Variants in LRCH1 observed in about 807,000 individuals in gnomAD.
LRCH1 encodes the protein leucine-rich repeat and calponin homology domain-containing protein 1.
Under a neutral mutation model 94.9 loss-of-function variants are expected in LRCH1, and 23 were observed. That is an observed-to-expected ratio of 0.24 (90% confidence interval 0.17 to 0.34). The LOEUF (loss-of-function observed/expected upper bound fraction) is 0.34. Among genes scored for constraint, LRCH1 ranks in the 10% least tolerant of loss-of-function variants. LRCH1 has a pLI of 1.00. For synonymous variants in LRCH1, 364 were observed against 354.9 expected, an observed-to-expected ratio of 1.03 and a Z score of -0.29; for missense variants, 790 against 945.9, an observed-to-expected ratio of 0.84 and a Z score of 2.16.
chr13:46,567,831 C>T (rs1209196917), intron 1 of LRCH1, among the ~76,000 whole-genome samples: 10 of 152,184 alleles, frequency 6.6e-5, no homozygotes. Context: ...GACTTGGTAT[C>T]TCAATATGAA....
At chr13:46,684,176 T>A (rs950789911) in intron 4 of LRCH1, among the ~76,000 whole-genome samples, 1 of 152,194 alleles carries the variant, frequency 6.6e-6, no homozygotes, top group African/African-American at 2.4e-5. Context: ...TTGCCTCTCT[T>A]AGCAGTGGGG....
intron 1 of LRCH1, among the ~76,000 whole-genome samples, chr13:46,638,666 A>C (rs1184811536): frequency 3.9e-5 from 6 of 152,262 alleles, no homozygotes; most frequent in Non-Finnish European, 8.8e-5. Flanking sequence ...CAAATTAGCA[A>C]GTCTGTTAGA....
intron 11 of LRCH1, among the ~76,000 whole-genome samples, chr13:46,703,498 A>G (rs1489622597): frequency 6.6e-6 from 1 of 152,222 alleles, no homozygotes; most frequent in Non-Finnish European, 1.5e-5. Flanking sequence ...GTCTAGAAAC[A>G]TATAAAACTT....
chr13:46,634,741 T>C (rs976022978), intron 1 of LRCH1, among the ~76,000 whole-genome samples: 1 of 152,216 alleles, frequency 6.6e-6, no homozygotes, highest in Admixed American at 6.5e-5. Flanking sequence ...GGTTGTGAAT[T>C]GAGTCTTATT....
At chr13:46,656,162 G>A (rs983703318) in intron 2 of LRCH1, among the ~76,000 whole-genome samples, 7 of 152,328 alleles carry the variant, frequency 4.6e-5, no homozygotes, top group South Asian at 4.1e-4. Flanking sequence ...CTTGGATTGG[G>A]ACAAGTGTCT....
intron 1 of LRCH1, among the ~76,000 whole-genome samples, chr13:46,588,625 T>A (rs1455200657): frequency 6.9e-6 from 1 of 144,872 alleles, no homozygotes; most frequent in East Asian, 2.0e-4. Flanking sequence ...TTTGAGACAG[T>A]CATCTCGCTC....
chr13:46,752,614 A>G (rs1428517574), exon 19 of LRCH1: 1 of 152,238 alleles, frequency 6.6e-6, no homozygotes, highest in Non-Finnish European at 1.5e-5. Context: ...GAGTGTATAC[A>G]ATTTAAGCAA....
chr13:46,660,058 C>T (rs1025546218), intron 2 of LRCH1, among the ~76,000 whole-genome samples: 2 of 12,988 alleles, frequency 1.5e-4, no homozygotes, highest in Admixed American at 1.4e-3. Context: ...TTGAGACAGG[C>T]TGGAGTGCAG....
intron 3 of LRCH1, among the ~76,000 whole-genome samples, chr13:46,674,449 C>G (rs921477709): frequency 2.6e-5 from 4 of 152,192 alleles, no homozygotes; most frequent in Non-Finnish European, 4.4e-5. Flanking sequence ...CACATTGTTG[C>G]AGGTGCAGGA....
chr13:46,675,952 T>C (rs2051666941), intron 3 of LRCH1, among the ~76,000 whole-genome samples: 2 of 152,212 alleles, frequency 1.3e-5, no homozygotes, highest in Admixed American at 1.3e-4. Flanking sequence ...TTGAGAAAGT[T>C]TCAAGTTTAA....
chr13:46,707,808 C>T (rs1172821198), intron 13 of LRCH1, among the ~76,000 whole-genome samples: 3 of 152,118 alleles, frequency 2.0e-5, no homozygotes, highest in South Asian at 2.1e-4. Flanking sequence ...AATAAATATT[C>T]GTTGATTGCC....
intron 1 of LRCH1, among the ~76,000 whole-genome samples, chr13:46,566,562 T>TTATCACAAGTTAGGCAGTC (rs1312029036): frequency 2.0e-5 from 3 of 152,198 alleles, no homozygotes; most frequent in African/African-American, 7.2e-5. Flanking sequence ...AGAAGGGCAC[T>TTATCACAAGTTAGGCAGTC]TATCACAAGT....
chr13:46,712,931 G>A (rs1050597187), intron 15 of LRCH1, among the ~76,000 whole-genome samples: 49 of 152,112 alleles, frequency 3.2e-4, no homozygotes, highest in African/African-American at 1.2e-3. Flanking sequence ...CTGCTGCTCG[G>A]CTGAGTTAAG....
At chr13:46,727,493 A>G (rs1029075574) in intron 17 of LRCH1, among the ~76,000 whole-genome samples, 1 of 152,066 alleles carries the variant, frequency 6.6e-6, no homozygotes, top group Non-Finnish European at 1.5e-5. Context: ...AAGGAAGGGG[A>G]TGTCTCTATA....
chr13:46,727,903 T>G (rs1872902033), intron 17 of LRCH1, among the ~76,000 whole-genome samples: 1 of 98,998 alleles, frequency 1.0e-5, no homozygotes, highest in South Asian at 3.4e-4. Flanking sequence ...AGAAAAACAT[T>G]TCTTTCTTTC....
intron 1 of LRCH1, among the ~76,000 whole-genome samples, chr13:46,619,397 A>G (rs1178481333): frequency 6.6e-6 from 1 of 152,138 alleles, no homozygotes; most frequent in Non-Finnish European, 1.5e-5. Flanking sequence ...GGCGTGACCC[A>G]CCACGCCTGG....
intron 18 of LRCH1, among the ~76,000 whole-genome samples, chr13:46,732,699 G>A (rs115003219): frequency 0.017 from 2,612 of 152,256 alleles, 57 homozygotes; most frequent in African/African-American, 0.057. Flanking sequence ...GGGTCTTGGC[G>A]TGATGAAATG....
chr13:46,680,025 C>G (rs921247832), intron 3 of LRCH1: 14 of 152,224 alleles, frequency 9.2e-5, no homozygotes, highest in African/African-American at 3.4e-4. Flanking sequence ...GAAAGTGAAA[C>G]AGATTTCTGA....
At chr13:46,750,407 G>T in intron 18 of LRCH1, 1 of 605,376 alleles carries the variant, frequency 1.7e-6, no homozygotes, top group South Asian at 2.2e-5. Flanking sequence ...GCAAAGGAAG[G>T]AGCTTGGTGT....
Sources: gnomAD v4.1 joint callset for allele counts (sites outside exome capture counted in the v4.1 genomes callset) on GRCh38, gnomAD v4.1.1 for gene constraint, MANE v1.5 for transcripts, NCBI Gene and HGNC (gene_info 2026-07-23, HGNC 2026-07-21) for gene names.